POFUT3: variants seen among roughly 807,000 people sequenced by gnomAD.
POFUT3 encodes the protein protein O-fucosyltransferase 3.
At chr8:33,320,316 G>C in the POFUT3 span, among the ~76,000 whole-genome samples, 18 of 151,988 alleles carry the variant, frequency 1.2e-4, no homozygotes, top group African/African-American at 3.9e-4. Flanking sequence ...ATGATAATGA[G>C]ATAATATTCC....
chr8:33,379,388 A>G, the POFUT3 span, among the ~76,000 whole-genome samples: 1 of 135,150 alleles, frequency 7.4e-6, no homozygotes, highest in East Asian at 2.9e-4. Flanking sequence ...ATGTCCAGGA[A>G]TCAAAAAAAA....
the POFUT3 span, among the ~76,000 whole-genome samples, chr8:33,358,010 G>A: frequency 6.6e-6 from 1 of 152,206 alleles, no homozygotes; most frequent in Admixed American, 6.5e-5. Context: ...ACATTGGGAG[G>A]CCAAGGCGGG....
At chr8:33,464,727 C>A in the POFUT3 span, among the ~76,000 whole-genome samples, 1 of 152,124 alleles carries the variant, frequency 6.6e-6, no homozygotes, top group Non-Finnish European at 1.5e-5. Flanking sequence ...CTGCAGTGAG[C>A]CGTGATTGTG....
At chr8:33,370,429 A>T in the POFUT3 span, among the ~76,000 whole-genome samples, 2 of 152,202 alleles carry the variant, frequency 1.3e-5, no homozygotes, top group Non-Finnish European at 2.9e-5. Flanking sequence ...CATTGTACAA[A>T]CTCCTTCACA....
At chr8:33,309,126 G>T in the POFUT3 span, among the ~76,000 whole-genome samples, 2 of 92,428 alleles carry the variant, frequency 2.2e-5, no homozygotes, top group Non-Finnish European at 1.9e-5. Flanking sequence ...ATCCTCCATA[G>T]TCTGGGGAGT....
At chr8:33,365,076 A>G in the POFUT3 span, among the ~76,000 whole-genome samples, 1 of 152,228 alleles carries the variant, frequency 6.6e-6, no homozygotes, top group Non-Finnish European at 1.5e-5. Context: ...GACCAATGGA[A>G]CAGAACAGAG....
chr8:33,328,816 C>T, the POFUT3 span, among the ~76,000 whole-genome samples: 1 of 152,120 alleles, frequency 6.6e-6, no homozygotes, highest in African/African-American at 2.4e-5. Flanking sequence ...GCAAAAGGAG[C>T]ACCCAGTGAA....
the POFUT3 span, among the ~76,000 whole-genome samples, chr8:33,406,425 A>G: frequency 7.9e-5 from 12 of 152,034 alleles, no homozygotes; most frequent in Admixed American, 7.9e-4. Flanking sequence ...CATGAAGTAT[A>G]CCATTTACTA....
the POFUT3 span, among the ~76,000 whole-genome samples, chr8:33,363,275 T>G: frequency 1.3e-5 from 2 of 152,168 alleles, no homozygotes; most frequent in Non-Finnish European, 2.9e-5. Flanking sequence ...AAGCAGTGTG[T>G]AGAGGGAAAT....
At chr8:33,422,880 C>T in the POFUT3 span, among the ~76,000 whole-genome samples, 3 of 151,958 alleles carry the variant, frequency 2.0e-5, no homozygotes, top group African/African-American at 4.8e-5. Flanking sequence ...GGCACGATCT[C>T]GGCTCACTTC....
At chr8:33,366,246 A>C in the POFUT3 span, among the ~76,000 whole-genome samples, 6 of 152,112 alleles carry the variant, frequency 3.9e-5, no homozygotes, top group African/African-American at 1.4e-4. Flanking sequence ...ATCACACACC[A>C]GGGCCTGTCG....
the POFUT3 span, among the ~76,000 whole-genome samples, chr8:33,398,149 A>G: frequency 3.1e-3 from 473 of 152,332 alleles, 3 homozygotes; most frequent in Middle Eastern, 0.01. Context: ...TGAATTACTG[A>G]TAAGTACACA....
the POFUT3 span, among the ~76,000 whole-genome samples, chr8:33,445,345 AC>A: frequency 6.6e-6 from 1 of 152,220 alleles, no homozygotes; most frequent in Non-Finnish European, 1.5e-5. Flanking sequence ...AATGACAATT[AC>A]CTACTATCTA....
At chr8:33,311,609 G>A in the POFUT3 span, among the ~76,000 whole-genome samples, 1 of 152,166 alleles carries the variant, frequency 6.6e-6, no homozygotes, top group Admixed American at 6.5e-5. Context: ...GTTAATGTCG[G>A]TTTTACTTCC....
chr8:33,437,710 C>CTGAG, the POFUT3 span, among the ~76,000 whole-genome samples: 1 of 152,006 alleles, frequency 6.6e-6, no homozygotes. Context: ...ACTTGGGAGG[C>CTGAG]TGAGGCAGGA....
the POFUT3 span, among the ~76,000 whole-genome samples, chr8:33,403,009 C>T: frequency 2.6e-5 from 4 of 151,524 alleles, no homozygotes; most frequent in Non-Finnish European, 4.4e-5. Context: ...TACAGTGAGC[C>T]GAGATCGCAC....
the POFUT3 span, among the ~76,000 whole-genome samples, chr8:33,431,576 A>G: frequency 2.1e-5 from 3 of 145,442 alleles, no homozygotes; most frequent in Non-Finnish European, 3.0e-5. Flanking sequence ...AAAAAAAAAA[A>G]AAAAAAAAAA....
At chr8:33,385,647 CAA>C in the POFUT3 span, among the ~76,000 whole-genome samples, 1 of 151,948 alleles carries the variant, frequency 6.6e-6, no homozygotes, top group African/African-American at 2.4e-5. Flanking sequence ...TTTGGGAGGC[CAA>C]GGCAGGTGGA....
the POFUT3 span, among the ~76,000 whole-genome samples, chr8:33,466,013 T>G: frequency 1.3e-5 from 2 of 152,202 alleles, no homozygotes; most frequent in African/African-American, 4.8e-5. Flanking sequence ...CATAGCTTTA[T>G]GAACTATGAC....
Sources: allele counts gnomAD v4.1 joint callset (sites outside exome capture counted in the v4.1 genomes callset), GRCh38; gene constraint gnomAD v4.1.1; transcripts MANE v1.5; gene names NCBI Gene and HGNC (gene_info 2026-07-23, HGNC 2026-07-21).